The following GRIA2 variants were observed in gnomAD, a reference collection of about 807,000 sequenced individuals.
GRIA2 encodes glutamate ionotropic receptor AMPA type subunit 2.
Under a neutral mutation model 97.3 loss-of-function variants are expected in GRIA2, and 14 were observed. That is an observed-to-expected ratio of 0.14 (90% CI 0.10 to 0.23). The LOEUF is 0.23. GRIA2 is among the 10% of genes least tolerant of loss of function. The pLI is 1.00. For synonymous variants in GRIA2, 412 were observed against 387.8 expected, an observed-to-expected ratio of 1.06 and a Z score of -0.73; for missense variants, 558 against 1,069.8, an observed-to-expected ratio of 0.52 and a Z score of 6.67.
intron 2 of GRIA2, among the ~76,000 whole-genome samples, chr4:157,246,446 ATGTC>A (rs1036240582): frequency 2.5e-4 from 38 of 152,242 alleles, no homozygotes; most frequent in African/African-American, 8.7e-4. Context: ...ACATGAAAAA[ATGTC>A]TGTTAAATTT....
chr4:157,221,302 G>C, intron 1 of GRIA2, 172 bp downstream of exon 1: 1 of 596,162 alleles, frequency 1.7e-6, no homozygotes, highest in Non-Finnish European at 3.0e-6. Context: ...AAAAGGAAAA[G>C]ACTATGCCTT....
At chr4:157,328,351 A>C (rs918696425) in intron 6 of GRIA2, among the ~76,000 whole-genome samples, 1 of 152,040 alleles carries the variant, frequency 6.6e-6, no homozygotes, top group Non-Finnish European at 1.5e-5. Flanking sequence ...AATTTTTGCC[A>C]AATCTCTGAC....
At chr4:157,261,591 G>T (rs1048775015) in intron 2 of GRIA2, among the ~76,000 whole-genome samples, 1 of 152,112 alleles carries the variant, frequency 6.6e-6, no homozygotes, top group African/African-American at 2.4e-5. Flanking sequence ...TTCACTGAAT[G>T]ACAAACTTGT....
At chr4:157,230,760 G>T (rs1193693527) in intron 2 of GRIA2, among the ~76,000 whole-genome samples, 1 of 151,916 alleles carries the variant, frequency 6.6e-6, no homozygotes, top group Non-Finnish European at 1.5e-5. Flanking sequence ...TTTTAATTTT[G>T]TCAAATAATG....
intron 15 of GRIA2, 107 bp downstream of exon 15, chr4:157,363,154 T>C: frequency 8.5e-7 from 1 of 1,175,994 alleles, no homozygotes; most frequent in South Asian, 1.5e-5. Context: ...ATCCTGTATG[T>C]ATTGTTGACG....
At chr4:157,221,909 T>G (rs1729514873) in intron 2 of GRIA2, 102 bp downstream of exon 2, 3 of 1,057,422 alleles carry the variant, frequency 2.8e-6, no homozygotes, top group Non-Finnish European at 4.3e-6. Context: ...CGTTTCTGTG[T>G]GTCAGTGTGT....
At chr4:157,281,648 ACT>A (rs914718770) in intron 2 of GRIA2, among the ~76,000 whole-genome samples, 1 of 151,464 alleles carries the variant, frequency 6.6e-6, no homozygotes, top group South Asian at 2.1e-4. Flanking sequence ...ATTTTGTAAA[ACT>A]CTCTCTTTTT....
intron 2 of GRIA2, among the ~76,000 whole-genome samples, chr4:157,265,146 A>G (rs1384055459): frequency 6.6e-6 from 1 of 152,154 alleles, no homozygotes; most frequent in East Asian, 1.9e-4. Flanking sequence ...AATATCTATC[A>G]ATAAATATTA....
rs559678583 is a variant in GRIA2 at position 157,324,236 on chromosome 4, A to C, written c.882+2637A>C. Among the ~76,000 whole-genome samples the C allele has an allele frequency of 2.6e-5, 4 of 152,312 alleles. No individual in the cohort carries two copies. The East Asian group carries it at 7.7e-4, about 29-fold the overall frequency. On this transcript the variant is annotated intron_variant, in intron 6 of 15. Transcript: ENST00000264426. ...ACTCCACCCAGAGGCATATTTTATGAGGTCCCTGAAGCTCAATAAAAATTA... is the reference window on the plus strand; with the variant it reads ...ACTCCACCCAGAGGCATATTTTATGCGGTCCCTGAAGCTCAATAAAAATTA...
At position 157,242,680 on chromosome 4, in the gene GRIA2, T is replaced by C. The variant is rs192776180; in HGVS notation, c.229+20873T>C. Among the ~76,000 whole-genome samples, 195 of 152,250 alleles carry C rather than the reference T, an allele frequency of 1.3e-3. 1 individual carries two copies. Among genetic ancestry groups the C allele is most frequent in the African/African-American group, 4.1e-3 (169 of 41,588 alleles). On this transcript the variant is annotated intron_variant, in intron 2 of 15. Coordinates refer to ENST00000264426, the MANE Select transcript of GRIA2 (RefSeq NM_001083619.3). ...CACTGAATTAGCAAATACTGAACCATTGCTCCTAGGGGAAATTGAATTAGG... is the reference window on the plus strand; with the variant it reads ...CACTGAATTAGCAAATACTGAACCACTGCTCCTAGGGGAAATTGAATTAGG...
chr4:157,345,739 C>T (rs989828751), intron 12 of GRIA2, among the ~76,000 whole-genome samples: 3 of 152,100 alleles, frequency 2.0e-5, no homozygotes, highest in African/African-American at 7.2e-5. Flanking sequence ...TCCCACACTG[C>T]AATCTGTTCC....
At chr4:157,318,884 T>C (rs879550074) in intron 5 of GRIA2, among the ~76,000 whole-genome samples, 1 of 152,164 alleles carries the variant, frequency 6.6e-6, no homozygotes, top group Non-Finnish European at 1.5e-5. Flanking sequence ...TGTATCACAT[T>C]GTTACATCAG....
chr4:157,282,461 A>C (rs1343501709), intron 2 of GRIA2, among the ~76,000 whole-genome samples: 51 of 152,108 alleles, frequency 3.4e-4, no homozygotes, highest in Non-Finnish European at 7.4e-5. Context: ...GGGCAATAAG[A>C]ATTTGGGAAA....
chr4:157,246,530 A>G (rs1352340280), intron 2 of GRIA2, among the ~76,000 whole-genome samples: 1 of 152,128 alleles, frequency 6.6e-6, no homozygotes, highest in Non-Finnish European at 1.5e-5. Context: ...ATACTTTCGT[A>G]GTAATAACAC....
chr4:157,261,401 T>C (rs1245717105), intron 2 of GRIA2, among the ~76,000 whole-genome samples: 2 of 152,142 alleles, frequency 1.3e-5, no homozygotes. Flanking sequence ...TTGCCTTGTG[T>C]ATATTAAAAT....
At chr4:157,220,452 G>A (rs1320726936), upstream of GRIA2, 1 of 152,108 alleles carries the variant, frequency 6.6e-6, no homozygotes, top group Non-Finnish European at 1.5e-5. Flanking sequence ...GAGACCCGAG[G>A]TCTCGCGGAG....
At chr4:157,255,653 C>A (rs1731209579) in intron 2 of GRIA2, among the ~76,000 whole-genome samples, 1 of 151,852 alleles carries the variant, frequency 6.6e-6, no homozygotes, top group African/African-American at 2.4e-5. Flanking sequence ...AAAGCTTCTA[C>A]ACAGCAAAAG....
At chr4:157,275,637 A>G (rs940299587) in intron 2 of GRIA2, among the ~76,000 whole-genome samples, 1 of 152,090 alleles carries the variant, frequency 6.6e-6, no homozygotes, top group Admixed American at 6.6e-5. Flanking sequence ...TCCGTTCCCC[A>G]TTTCTTGTTT....
At chr4:157,237,995 A>G (rs780535137) in intron 2 of GRIA2, among the ~76,000 whole-genome samples, 64 of 152,128 alleles carry the variant, frequency 4.2e-4, no homozygotes, top group Non-Finnish European at 3.8e-4. Flanking sequence ...ATATGTGTTC[A>G]CAAATAGAAT....
Sources: allele counts gnomAD v4.1 joint callset (sites outside exome capture counted in the v4.1 genomes callset), GRCh38; gene constraint gnomAD v4.1.1; transcripts MANE v1.5; gene names NCBI Gene and HGNC (gene_info 2026-07-23, HGNC 2026-07-21).